EXOC6B: variants seen among roughly 807,000 people sequenced by gnomAD.
The protein encoded by EXOC6B is exocyst complex component 6B.
In EXOC6B, 54 loss-of-function variants were observed where a neutral mutation model predicts 113.5. That is an observed-to-expected ratio of 0.48 (90% CI 0.38 to 0.60). EXOC6B has a LOEUF of 0.60. EXOC6B is among the 20% of genes least tolerant of loss of function. The pLI, the probability that EXOC6B is intolerant of heterozygous loss-of-function variation, is 0.00. For missense variants in EXOC6B, 797 were observed against 977.5 expected (o/e 0.82, Z 2.46); for synonymous variants, 357 against 339.0 (o/e 1.05, Z -0.58).
At chr2:72,325,784 T>G (rs1688094257) in intron 20 of EXOC6B, among the ~76,000 whole-genome samples, 1 of 151,980 alleles carries the variant, frequency 6.6e-6, no homozygotes, top group Non-Finnish European at 1.5e-5. Flanking sequence ...CCAGTTCCCC[T>G]TTCATAATCG....
intron 18 of EXOC6B, among the ~76,000 whole-genome samples, chr2:72,442,813 C>T (rs1696289485): frequency 6.6e-6 from 1 of 152,058 alleles, no homozygotes; most frequent in Non-Finnish European, 1.5e-5. Context: ...GCCATACTGC[C>T]CAAAGAAATT....
rs954111743 is a variant in EXOC6B, at chr2:72,522,777, G to T, written c.916-7651C>A. On this transcript the variant is annotated intron_variant, in intron 8 of 21. Coordinates refer to ENST00000272427, the MANE Select transcript of EXOC6B (RefSeq NM_015189.3). ...GACTTTCCCCTTTTCTAAATAGATAGCTATTTCACATGTAATGTACATATA... is the reference window on the plus strand; with the variant it reads ...GACTTTCCCCTTTTCTAAATAGATATCTATTTCACATGTAATGTACATATA... 3.9e-5 allele frequency among the ~76,000 whole-genome samples: 6 copies of T among 152,186 alleles called. 1 individual carries two copies. Among genetic ancestry groups the T allele is most frequent in the Admixed American group, 1.3e-4 (2 of 15,280 alleles).
intron 17 of EXOC6B, among the ~76,000 whole-genome samples, chr2:72,473,328 G>A (rs1698526614): frequency 6.6e-6 from 1 of 151,906 alleles, no homozygotes; most frequent in African/African-American, 2.4e-5. Flanking sequence ...ATTTAGATAT[G>A]GCAATATTTG....
At chr2:72,547,237 G>A (rs778413107) in intron 8 of EXOC6B, among the ~76,000 whole-genome samples, 1 of 152,178 alleles carries the variant, frequency 6.6e-6, no homozygotes, top group Non-Finnish European at 1.5e-5. Flanking sequence ...GTCTCCTGTA[G>A]TGAATGGAGC....
intron 20 of EXOC6B, among the ~76,000 whole-genome samples, chr2:72,233,962 C>G (rs1373969961): frequency 1.3e-5 from 2 of 151,974 alleles, no homozygotes; most frequent in Non-Finnish European, 2.9e-5. Flanking sequence ...AGGAAGCACT[C>G]GGATGGTAAG....
At chr2:72,809,817 A>G (rs1685780308) in intron 1 of EXOC6B, among the ~76,000 whole-genome samples, 1 of 152,198 alleles carries the variant, frequency 6.6e-6, no homozygotes, top group African/African-American at 2.4e-5. Context: ...CCCCTCTCTC[A>G]ACAATTGATA....
At chr2:72,641,535 T>G (rs1211171987) in intron 6 of EXOC6B, among the ~76,000 whole-genome samples, 2 of 152,194 alleles carry the variant, frequency 1.3e-5, no homozygotes, top group Non-Finnish European at 2.9e-5. Flanking sequence ...TGCTGAGGCT[T>G]GAGTAGGTAA....
intron 1 of EXOC6B, among the ~76,000 whole-genome samples, chr2:72,789,810 A>G (rs1684577403): frequency 6.6e-6 from 1 of 152,080 alleles, no homozygotes; most frequent in South Asian, 2.1e-4. Context: ...TGTTCTTTCG[A>G]TTTTTTTGCA....
intron 18 of EXOC6B, among the ~76,000 whole-genome samples, chr2:72,388,267 A>G (rs1420397734): frequency 6.6e-6 from 1 of 152,198 alleles, no homozygotes; most frequent in East Asian, 1.9e-4. Context: ...TCAGTTCAAA[A>G]TATTTTCTAA....
At chr2:72,582,144 G>A (rs1337733350) in intron 6 of EXOC6B, among the ~76,000 whole-genome samples, 1 of 152,086 alleles carries the variant, frequency 6.6e-6, no homozygotes, top group Non-Finnish European at 1.5e-5. Flanking sequence ...AGGCCTTAGG[G>A]AAGGTGAAAG....
chr2:72,671,019 A>G lies in EXOC6B; in HGVS notation c.669+47084T>C, dbSNP rs571944166. ...GTCTTAGAGCTACCTCAAACTTAAC[A>G]TGTACAAAATCAAATTCTAAGACTT... On this transcript the variant is annotated intron_variant, in intron 6 of 21. Transcript: ENST00000272427. Among the ~76,000 whole-genome samples the G allele has an allele frequency of 3.3e-5, 5 of 152,280 alleles. No individual in the cohort carries two copies. The East Asian group carries it at 7.7e-4, about 24-fold the overall frequency.
At position 72,509,122 on chromosome 2, in the gene EXOC6B, T is replaced by C. The variant is rs570434234; in HGVS notation, c.1167+4010A>G. On this transcript the variant is annotated intron_variant, in intron 11 of 21. Transcript: ENST00000272427. ...TAATCCAGTGGGATTGTTCTCCTTA[T>C]AAAAAGAGAAGGAGAGAGCAATCCT... is the stretch of plus-strand genomic sequence containing the variant. Among the ~76,000 whole-genome samples, 7 of 152,116 alleles carry C rather than the reference T, an allele frequency of 4.6e-5. No homozygotes were observed. In the South Asian group the frequency reaches 1.2e-3, roughly 27 times the overall value.
At chr2:72,675,991 A>G (rs1479115638) in intron 6 of EXOC6B, among the ~76,000 whole-genome samples, 1 of 152,058 alleles carries the variant, frequency 6.6e-6, no homozygotes, top group Non-Finnish European at 1.5e-5. Flanking sequence ...ACAAACACAC[A>G]GACACCCCTT....
chr2:72,183,858 C>T (rs1334338348), intron 21 of EXOC6B, among the ~76,000 whole-genome samples: 4 of 152,046 alleles, frequency 2.6e-5, no homozygotes, highest in Non-Finnish European at 5.9e-5. Flanking sequence ...CCATACTTGG[C>T]CTGGCTTGTT....
intron 20 of EXOC6B, among the ~76,000 whole-genome samples, chr2:72,216,657 C>G (rs1211663654): frequency 6.6e-6 from 1 of 152,078 alleles, no homozygotes; most frequent in African/African-American, 2.4e-5. Flanking sequence ...AACCCAAATG[C>G]CCATCAGTGA....
chr2:72,421,420 T>G (rs1391824367), intron 18 of EXOC6B, among the ~76,000 whole-genome samples: 1 of 152,208 alleles, frequency 6.6e-6, no homozygotes, highest in Non-Finnish European at 1.5e-5. Context: ...CATTCCTTTT[T>G]GTCACATTCT....
intron 1 of EXOC6B, among the ~76,000 whole-genome samples, chr2:72,764,756 T>C (rs935185313): frequency 5.3e-5 from 8 of 152,212 alleles, no homozygotes; most frequent in Non-Finnish European, 1.2e-4. Context: ...ATATATTTTG[T>C]TCTATAATCA....
intron 1 of EXOC6B, among the ~76,000 whole-genome samples, chr2:72,773,367 C>A (rs1473069970): frequency 6.7e-6 from 1 of 149,504 alleles, no homozygotes. Flanking sequence ...TGGGCTCAAG[C>A]AATCCACCTG....
Position 72,468,471 on chromosome 2 carries a change from G to T in EXOC6B, c.1801-3132C>A, listed in dbSNP as rs965824150. ...AAATTAACTGACTGTACATGAGTAG[G>T]ATTATGTCAGGGTTATTTTGTTCCA... is the stretch of plus-strand genomic sequence containing the variant. On this transcript the variant is annotated intron_variant, in intron 17 of 21. Transcript: ENST00000272427. 3.9e-4 allele frequency among the ~76,000 whole-genome samples: 59 copies of T among 152,078 alleles called. 1 individual carries two copies. The highest frequency in any genetic ancestry group is 7.4e-5 in the Non-Finnish European group (5 of 68,012).
Sources: allele counts gnomAD v4.1 joint callset (sites outside exome capture counted in the v4.1 genomes callset), GRCh38; gene constraint gnomAD v4.1.1; transcripts MANE v1.5; gene names NCBI Gene and HGNC (gene_info 2026-07-23, HGNC 2026-07-21).